The following MASP2 variants were observed in gnomAD, a reference collection of about 807,000 sequenced individuals.
The protein encoded by MASP2 is MBL associated serine protease 2, also known as mannan-binding lectin serine protease 2.
A neutral mutation model predicts 57.1 loss-of-function variants in MASP2; 49 were observed. That is an observed-to-expected ratio of 0.86 (90% CI 0.68 to 1.09). MASP2 has a LOEUF of 1.09. Ranked by LOEUF, MASP2 falls within the 50% of genes least tolerant of loss-of-function variation. The pLI is 0.00. For missense variants in MASP2, 900 were observed against 874.8 expected, an observed-to-expected ratio of 1.03 and a Z score of -0.36; for synonymous variants, 379 against 340.8, an observed-to-expected ratio of 1.11 and a Z score of -1.24.
intron 8 of MASP2, among the ~76,000 whole-genome samples, chr1:11,031,367 CAA>C (rs377624168): frequency 7.1e-6 from 1 of 141,540 alleles, no homozygotes; most frequent in African/African-American, 2.6e-5. Context: ...ACTAAAAATA[CAA>C]AAAAAAAAAA....
intron 7 of MASP2, among the ~76,000 whole-genome samples, chr1:11,036,364 C>T (rs1247657185): frequency 2.7e-5 from 4 of 149,630 alleles, no homozygotes; most frequent in Non-Finnish European, 3.0e-5. Context: ...ATTAGCCGGG[C>T]GCGGTGGCGG....
intron 6 of MASP2, among the ~76,000 whole-genome samples, chr1:11,041,404 G>GATGGATGGGTGGATGGA (rs1638430139): frequency 1.7e-5 from 2 of 120,858 alleles, no homozygotes; most frequent in South Asian, 3.0e-4. Flanking sequence ...GGATGGATGA[G>GATGGATGGGTGGATGGA]TGGATGGATG....
rs1643736058 is a variant in MASP2 at position 11,026,614 on chromosome 1, TAATGA to T, written c.*266_*270del. ...ATGAAAAGAGACTGGCTTTTTAAGG[TAATGA>T]AATGTAATTTGAGCAGTGACATTAC... On this transcript the variant is annotated 3_prime_UTR_variant, in exon 11 of 11. Transcript: ENST00000400897. 1.0e-5 allele frequency: 3 copies of T among 291,814 alleles called. No individual in the cohort carries two copies. Among genetic ancestry groups the T allele is most frequent in the Admixed American group, 5.1e-5 (1 of 19,596 alleles). 18.1% of individuals were successfully genotyped at this position (291,814 alleles called of 1,614,324 possible). A position where few individuals can be genotyped will look rare whatever the true frequency, so the allele number is the denominator to read the frequency against.
At chr1:11,029,705 G>C (rs1020829356) in intron 10 of MASP2, 1 of 129,432 alleles carries the variant, frequency 7.7e-6, no homozygotes, top group Non-Finnish European at 1.6e-5. Context: ...ATAATGGTGC[G>C]ATCTGGGCTC....
At chr1:11,043,282 G>T in intron 5 of MASP2, 57 bp downstream of exon 5, 3 of 1,438,174 alleles carry the variant, frequency 2.1e-6, no homozygotes, top group Non-Finnish European at 2.9e-6. Context: ...GAAGTAGGGG[G>T]TGCAGCTGGG....
At chr1:11,029,427 A>C (rs945026409) in intron 10 of MASP2, among the ~76,000 whole-genome samples, 1 of 151,490 alleles carries the variant, frequency 6.6e-6, no homozygotes, top group Non-Finnish European at 1.5e-5. Context: ...ATTCTACTCA[A>C]CTATTATCTT....
At position 11,043,456 on chromosome 1, in the gene MASP2, G is replaced by C. The variant is rs1417925518; in HGVS notation, c.624C>G (p.Leu208=). 2 of 1,611,194 alleles carry C rather than the reference G, an allele frequency of 1.2e-6. No homozygotes were observed. The highest frequency in any genetic ancestry group is 1.7e-6 in the Non-Finnish European group (2 of 1,179,116). Residue 208 remains leucine (L), a synonymous_variant, in exon 5 of 11, where the codon CTC becomes CTG. Coordinates refer to ENST00000400897, the MANE Select transcript of MASP2 (RefSeq NM_006610.4). ...GGCTGATGCTGTAAGTGCAACTGGA[G>C]AGTTTGGGATACGGCCGTGGGTATT... ...SPEYPRPYPK[L]SSCTYSISLE...
At chr1:11,039,563 G>A (rs1158344991) in intron 6 of MASP2, among the ~76,000 whole-genome samples, 3 of 152,146 alleles carry the variant, frequency 2.0e-5, no homozygotes, top group African/African-American at 4.8e-5. Context: ...AGGATGGGTG[G>A]ATGGATAGAT....
chr1:11,029,915 C>T lies in MASP2; in HGVS notation c.1297+261G>A, dbSNP rs61431914. On this transcript the variant is annotated intron_variant, in intron 10 of 10. Transcript: ENST00000400897. ...CTGGGATTACAGGCGTGAGCCACACCTGGCCTAAAAATCATTTAATTTTTT... is the reference window on the plus strand; with the variant it reads ...CTGGGATTACAGGCGTGAGCCACACTTGGCCTAAAAATCATTTAATTTTTT... 535 of 297,412 alleles carry T rather than the reference C, an allele frequency of 1.8e-3. 6 individuals are homozygous for T. The highest frequency in any genetic ancestry group is 0.011 in the African/African-American group (488 of 45,032). 18.4% of individuals were successfully genotyped at this position (297,412 alleles called of 1,614,324 possible).
intron 3 of MASP2, chr1:11,046,114 G>A (rs1638630334): frequency 3.6e-6 from 1 of 277,376 alleles, no homozygotes; most frequent in South Asian, 3.7e-5. Flanking sequence ...GCAGGTTCAA[G>A]CAATTCTCCT....
At chr1:11,030,340 T>G in intron 9 of MASP2, 90 bp from the exon 10 acceptor site, 2 of 902,588 alleles carry the variant, frequency 2.2e-6, no homozygotes, top group Non-Finnish European at 3.6e-6. Context: ...ATGTTGATTC[T>G]TGAGCATCAG....
rs375662708 is a variant in MASP2, at chr1:11,047,193, G to A, written c.5+10C>T. The A allele has an allele frequency of 1.2e-4, 184 of 1,561,508 alleles. No individual in the cohort carries two copies. The highest frequency in any genetic ancestry group is 1.5e-4 in the Non-Finnish European group (176 of 1,155,380). ...CACACCCTGCAGGGAGGCTGTGGGC[G>A]CCCACCTACCTCATGGTGTGCCCGT... is the stretch of plus-strand genomic sequence containing the variant. On this transcript the variant is annotated intron_variant, in intron 1 of 10. Coordinates refer to ENST00000400897, the MANE Select transcript of MASP2 (RefSeq NM_006610.4).
chr1:11,034,389 T>A, intron 8 of MASP2, among the ~76,000 whole-genome samples: 1 of 148,536 alleles, frequency 6.7e-6, no homozygotes, highest in East Asian at 2.0e-4. Context: ...GGCTGATAAA[T>A]GGATCATTAA....
intron 8 of MASP2, among the ~76,000 whole-genome samples, chr1:11,034,258 A>C (rs867295895): frequency 2.0e-5 from 3 of 151,942 alleles, no homozygotes; most frequent in Admixed American, 1.3e-4. Flanking sequence ...AAAAAAAAAA[A>C]AAAACCTTGT....
In MASP2 at chr1:11,046,940, G is replaced by A. The variant is rs185746604; in HGVS notation, c.185C>T (p.Thr62Ile). 11 of 1,571,748 alleles carry A rather than the reference G, an allele frequency of 7.0e-6. No individual in the cohort carries two copies. The Admixed American group carries it at 1.9e-4, about 27-fold the overall frequency. Residue 62 changes from threonine (T) to isoleucine (I), a missense_variant, in exon 2 of 11, where the codon ACC becomes ATC. Coordinates refer to ENST00000400897, the MANE Select transcript of MASP2 (RefSeq NM_006610.4). ...PPGYRLRLYF[T>I]HFDLELSHLC... ...GTGGGAGAGCTCCAGGTCGAAGTGGGTGAAGTAGAGGCGCAGGCGGTAGCC... is the reference window on the plus strand; with the variant it reads ...GTGGGAGAGCTCCAGGTCGAAGTGGATGAAGTAGAGGCGCAGGCGGTAGCC...
chr1:11,045,276 G>A (rs1279096742), intron 4 of MASP2, 132 bp downstream of exon 4: 1 of 1,342,414 alleles, frequency 7.4e-7, no homozygotes, highest in African/African-American at 1.4e-5. Context: ...GGGAGCTGGA[G>A]GCAGCAGGGC....
At position 11,045,455 on chromosome 1, in the gene MASP2, G is replaced by T. The variant is rs904851810; in HGVS notation, c.497C>A (p.Ser166Tyr). 6.2e-7 allele frequency: 1 copy of T among 1,613,158 alleles called. No individual in the cohort carries two copies. Among genetic ancestry groups the T allele is most frequent in the Admixed American group, 1.7e-5 (1 of 60,002 alleles). ...CHNHLGGFYC[S>Y]CRAGYVLHRN... Reference sequence around the variant, plus strand: ...GTGCAGGACGTAGCCTGCGCGGCAGGAGCAGTAGAAACCGCCCAGGTGGTT... The same window carrying T: ...GTGCAGGACGTAGCCTGCGCGGCAGTAGCAGTAGAAACCGCCCAGGTGGTT... The change falls in exon 4 of 11, where the codon TCC becomes TAC. Residue 166 changes from serine (S) to tyrosine (Y), a missense_variant. Transcript: ENST00000400897.
In MASP2 at chr1:11,043,852, A is replaced by C. The variant is rs562960461; in HGVS notation, c.545-317T>G. On this transcript the variant is annotated intron_variant, in intron 4 of 10. Coordinates refer to ENST00000400897, the MANE Select transcript of MASP2 (RefSeq NM_006610.4). ...CCCCAGGGAGCGTGGTGGTGTCCTG[A>C]GCCAGAGTCGCAACCCCAGGGTAGG... Among the ~76,000 whole-genome samples, 7 of 146,866 alleles carry C rather than the reference A, an allele frequency of 4.8e-5. 1 individual carries two copies. The East Asian group carries it at 1.5e-3, about 31-fold the overall frequency.
At position 11,044,107 on chromosome 1, in the gene MASP2, A is replaced by G. The variant is rs560523745; in HGVS notation, c.545-572T>C. On this transcript the variant is annotated intron_variant, in intron 4 of 10. Coordinates refer to ENST00000400897, the MANE Select transcript of MASP2 (RefSeq NM_006610.4). ...GGGGTCTCCTACCCGAACCCAGCCA[A>G]GACCAGCCAGCCCCCTGGGTTCCTG... is the stretch of plus-strand genomic sequence containing the variant. Among the ~76,000 whole-genome samples, 6 of 152,256 alleles carry G rather than the reference A, an allele frequency of 3.9e-5. No individual in the cohort carries two copies. In the South Asian group the frequency reaches 1.2e-3, roughly 32 times the overall value.
Sources: gnomAD v4.1 joint callset for allele counts (sites outside exome capture counted in the v4.1 genomes callset) on GRCh38, gnomAD v4.1.1 for gene constraint, MANE v1.5 for transcripts, NCBI Gene and HGNC (gene_info 2026-07-23, HGNC 2026-07-21) for gene names.